AKAP6: variants seen among roughly 807,000 people sequenced by gnomAD.
The protein encoded by AKAP6 is A-kinase anchor protein 6.
AKAP6 carries 58 observed loss-of-function variants against 188.5 expected under a neutral mutation model. That is an observed-to-expected ratio of 0.31 (90% CI 0.25 to 0.38). The LOEUF is 0.38. Among genes scored for constraint, AKAP6 ranks in the 10% least tolerant of loss-of-function variants. AKAP6 has a pLI of 1.00. For missense variants in AKAP6, 2,710 were observed against 2,740.0 expected (o/e 0.99, Z 0.24); for synonymous variants, 989 against 998.6 (o/e 0.99, Z 0.18).
At chr14:32,688,482 T>C (rs1890027172) in intron 8 of AKAP6, among the ~76,000 whole-genome samples, 1 of 152,158 alleles carries the variant, frequency 6.6e-6, no homozygotes, top group East Asian at 1.9e-4. Flanking sequence ...ATGTTATGTA[T>C]GTCCTCAAGA....
chr14:32,476,210 G>T (rs565046539), intron 2 of AKAP6, among the ~76,000 whole-genome samples: 1 of 151,952 alleles, frequency 6.6e-6, no homozygotes, highest in East Asian at 1.9e-4. Context: ...ACTATTCTTG[G>T]CATAGCAGTA....
At chr14:32,429,082 C>T (rs1890132426) in intron 1 of AKAP6, among the ~76,000 whole-genome samples, 1 of 152,136 alleles carries the variant, frequency 6.6e-6, no homozygotes. Flanking sequence ...TCACTGGGTT[C>T]CAAAAAGCTG....
At chr14:32,558,841 T>G (rs893098827) in intron 4 of AKAP6, among the ~76,000 whole-genome samples, 2 of 152,162 alleles carry the variant, frequency 1.3e-5, no homozygotes, top group Non-Finnish European at 2.9e-5. Flanking sequence ...TTTCTTCTTA[T>G]GGATACGACT....
Position 32,546,427 on chromosome 14 carries a change from A to C in AKAP6, c.1774A>C (p.Met592Leu), listed in dbSNP as rs142097557. 11 of 1,614,034 alleles carry C rather than the reference A, an allele frequency of 6.8e-6. No individual in the cohort carries two copies. The highest frequency in any genetic ancestry group is 1.6e-4 in the Middle Eastern group (1 of 6,084). The change falls in exon 4 of 14, where the codon ATG becomes CTG. Residue 592 changes from methionine (M) to leucine (L), a missense_variant. Coordinates refer to ENST00000280979, the MANE Select transcript of AKAP6 (RefSeq NM_004274.5). ...SESSVGSDNI[M>L]SPVPLLSKHK... Reference sequence around the variant, plus strand: ...ATCCTCTGTTGGCTCAGACAACATCATGTCTCCGGTGCCACTTCTTTCAAA... The same window carrying C: ...ATCCTCTGTTGGCTCAGACAACATCCTGTCTCCGGTGCCACTTCTTTCAAA...
intron 2 of AKAP6, among the ~76,000 whole-genome samples, chr14:32,438,314 C>T (rs556855090): frequency 6.6e-6 from 1 of 152,160 alleles, no homozygotes; most frequent in Non-Finnish European, 1.5e-5. Flanking sequence ...TCACATCCCC[C>T]TTTTTGTTGT....
chr14:32,392,890 A>G (rs1888756981), intron 1 of AKAP6, among the ~76,000 whole-genome samples: 2 of 152,250 alleles, frequency 1.3e-5, no homozygotes, highest in Middle Eastern at 3.4e-3. Context: ...ATTTCTTCTT[A>G]CAGTAGAACT....
chr14:32,725,836 G>A (rs1274993519), intron 9 of AKAP6, among the ~76,000 whole-genome samples: 3 of 152,068 alleles, frequency 2.0e-5, no homozygotes, highest in Non-Finnish European at 4.4e-5. Context: ...GCTCTTATCC[G>A]TATTTTAGCA....
chr14:32,792,966 C>T (rs1458958763), intron 12 of AKAP6, among the ~76,000 whole-genome samples: 1 of 152,104 alleles, frequency 6.6e-6, no homozygotes, highest in Admixed American at 6.5e-5. Context: ...TCTTTTCAGG[C>T]AAGCAAATGC....
chr14:32,569,058 A>G lies in AKAP6; in HGVS notation c.2347-8062A>G, dbSNP rs1432228193. Among the ~76,000 whole-genome samples the G allele has an allele frequency of 5.3e-5, 8 of 152,284 alleles. No homozygotes were observed. The South Asian group carries it at 1.7e-3, about 32-fold the overall frequency. On this transcript the variant is annotated intron_variant, in intron 4 of 13. Coordinates refer to ENST00000280979, the MANE Select transcript of AKAP6 (RefSeq NM_004274.5). ...AATCTTTCTGGGTTCTTCTTTTCCC[A>G]GTTGAAACCACTATAAATAGTATTT...
chr14:32,504,273 TTTG>T (rs1880751900), intron 2 of AKAP6, among the ~76,000 whole-genome samples: 1 of 152,142 alleles, frequency 6.6e-6, no homozygotes, highest in Non-Finnish European at 1.5e-5. Context: ...TATTAATTTT[TTTG>T]TTGTTTGTTT....
At chr14:32,705,809 A>G (rs1404236599) in intron 9 of AKAP6, among the ~76,000 whole-genome samples, 1 of 152,078 alleles carries the variant, frequency 6.6e-6, no homozygotes, top group Non-Finnish European at 1.5e-5. Flanking sequence ...TCTGCTTGGC[A>G]TTGTCCTCAC....
intron 11 of AKAP6, among the ~76,000 whole-genome samples, 157 bp from the exon 12 acceptor site, chr14:32,773,521 G>A (rs1350622389): frequency 1.3e-5 from 2 of 152,140 alleles, no homozygotes; most frequent in Admixed American, 6.6e-5. Flanking sequence ...TCTGTAGGAG[G>A]CCTCCATTCT....
In AKAP6 at chr14:32,822,246, T is replaced by G. The variant is rs761745794; in HGVS notation, c.4433T>G (p.Leu1478Arg). The part of the protein sequence containing the change: ...YDYSYLQGSK[L>R]KLPMIMKQSQ... ...TACTCATACCTCCAAGGCTCAAAAC[T>G]CAAATTACCAATGATAATGAAACAG... The change falls in exon 13 of 14, where the codon CTC becomes CGC. Residue 1478 changes from leucine (L) to arginine (R), a missense_variant. This residue lies in a region of AKAP6 where 2,473 missense variants were observed against 2,426.1 expected (regional missense o/e 1.02). Transcript: ENST00000280979. 3 of 1,613,866 alleles carry G rather than the reference T, an allele frequency of 1.9e-6. No homozygotes were observed. The Admixed American group carries it at 5.0e-5, about 27-fold the overall frequency.
At chr14:32,537,002 T>C (rs1007558380) in intron 3 of AKAP6, among the ~76,000 whole-genome samples, 9 of 152,194 alleles carry the variant, frequency 5.9e-5, no homozygotes, top group Non-Finnish European at 8.8e-5. Flanking sequence ...CTTACATTAA[T>C]ATATGAGATT....
chr14:32,335,231 C>CAT (rs1353021883), intron 1 of AKAP6, among the ~76,000 whole-genome samples: 2 of 152,142 alleles, frequency 1.3e-5, no homozygotes, highest in African/African-American at 4.8e-5. Context: ...TGTGTAGTTG[C>CAT]ATAGGGCCCT....
intron 2 of AKAP6, among the ~76,000 whole-genome samples, chr14:32,446,170 G>A (rs1175927015): frequency 1.3e-5 from 2 of 152,188 alleles, no homozygotes; most frequent in Admixed American, 6.5e-5. Context: ...GCAATATTTT[G>A]TATAGACAAA....
intron 2 of AKAP6, among the ~76,000 whole-genome samples, chr14:32,522,090 A>G (rs1004521875): frequency 1.3e-5 from 2 of 152,264 alleles, no homozygotes; most frequent in Admixed American, 6.5e-5. Context: ...AAATGGGGAA[A>G]GGATTCCCTA....
intron 13 of AKAP6, among the ~76,000 whole-genome samples, chr14:32,825,547 T>A (rs567209361): frequency 1.3e-5 from 2 of 152,326 alleles, no homozygotes. Flanking sequence ...TTCCATCAAA[T>A]TTTTTAAGAA....
At chr14:32,687,944 C>A (rs1268886357) in intron 8 of AKAP6, among the ~76,000 whole-genome samples, 1 of 152,010 alleles carries the variant, frequency 6.6e-6, no homozygotes, top group Non-Finnish European at 1.5e-5. Flanking sequence ...TTATTACACC[C>A]CTTTAATGTG....
Sources: gnomAD v4.1 joint callset for allele counts (sites outside exome capture counted in the v4.1 genomes callset) on GRCh38, gnomAD v4.1.1 for gene constraint, gnomAD v4.1.1 regional missense constraint, MANE v1.5 for transcripts, NCBI Gene and HGNC (gene_info 2026-07-23, HGNC 2026-07-21) for gene names.